MYO16: variants seen among roughly 807,000 people sequenced by gnomAD.
MYO16 encodes the protein myosin XVI, also known as unconventional myosin-XVI.
Under a neutral mutation model 205.3 loss-of-function variants are expected in MYO16, and 94 were observed. The observed-to-expected ratio is 0.46, with a 90% CI of 0.39 to 0.54. The LOEUF (loss-of-function observed/expected upper bound fraction) is 0.54. Among genes scored for constraint, MYO16 ranks in the 20% least tolerant of loss-of-function variants. The probability of loss-of-function intolerance (pLI) is 0.00; values close to 1 mark genes in which losing one functional copy is unlikely to be tolerated. For synonymous variants in MYO16, 988 were observed against 954.0 expected, an observed-to-expected ratio of 1.04 and a Z score of -0.66; for missense variants, 2,315 against 2,387.5, an observed-to-expected ratio of 0.97 and a Z score of 0.63.
At chr13:109,025,555 T>A (rs1172972086) in intron 23 of MYO16, among the ~76,000 whole-genome samples, 2 of 152,176 alleles carry the variant, frequency 1.3e-5, no homozygotes, top group East Asian at 3.8e-4. Context: ...GGCTAGATAT[T>A]TGTTTTAGCA....
At chr13:108,685,178 A>G (rs535122222) in intron 2 of MYO16, among the ~76,000 whole-genome samples, 14 of 152,160 alleles carry the variant, frequency 9.2e-5, no homozygotes, top group Non-Finnish European at 1.5e-4. Context: ...GCATGCCACC[A>G]TGCCCAGCTA....
intron 34 of MYO16, among the ~76,000 whole-genome samples, chr13:109,188,383 T>C (rs1368995617): frequency 1.3e-5 from 2 of 152,316 alleles, no homozygotes; most frequent in East Asian, 3.9e-4. Flanking sequence ...AATGTATTCA[T>C]CTTTCTATAT....
chr13:109,105,102 G>T (rs1023272178), intron 28 of MYO16, among the ~76,000 whole-genome samples: 2 of 152,206 alleles, frequency 1.3e-5, no homozygotes, highest in Non-Finnish European at 2.9e-5. Context: ...TGGATGCTGG[G>T]CCAAGAAATG....
chr13:108,943,497 G>A (rs1003820215), intron 16 of MYO16, among the ~76,000 whole-genome samples: 6 of 151,232 alleles, frequency 4.0e-5, no homozygotes, highest in African/African-American at 9.8e-5. Context: ...TCACTTTGTC[G>A]CCCAGGCTGG....
chr13:108,988,082 A>G (rs931075688), intron 20 of MYO16, among the ~76,000 whole-genome samples: 14 of 152,210 alleles, frequency 9.2e-5, no homozygotes, highest in African/African-American at 3.4e-4. Context: ...GAAACAGATC[A>G]TCTAATTCAT....
chr13:108,676,369 A>ACG (rs1350077050), intron 2 of MYO16, among the ~76,000 whole-genome samples: 50 of 34,942 alleles, frequency 1.4e-3, no homozygotes, highest in Admixed American at 4.4e-3. Context: ...GATTATATGT[A>ACG]CGCGTGTGTG....
At chr13:109,041,494 A>T (rs569165465) in intron 23 of MYO16, among the ~76,000 whole-genome samples, 1 of 152,234 alleles carries the variant, frequency 6.6e-6, no homozygotes, top group Non-Finnish European at 1.5e-5. Flanking sequence ...CATGTTACAC[A>T]TAGGTTAATG....
intron 27 of MYO16, among the ~76,000 whole-genome samples, chr13:109,082,490 AG>A: frequency 6.6e-6 from 1 of 152,360 alleles, no homozygotes; most frequent in Non-Finnish European, 1.5e-5. Flanking sequence ...CTGAAGGTCT[AG>A]CTTAGGTTAC....
chr13:108,906,236 C>A (rs748952429), intron 15 of MYO16, among the ~76,000 whole-genome samples: 1 of 152,142 alleles, frequency 6.6e-6, no homozygotes, highest in South Asian at 2.1e-4. Flanking sequence ...TGTCCAGAGT[C>A]CCCCTGAGGA....
intron 21 of MYO16, among the ~76,000 whole-genome samples, chr13:109,008,040 C>T (rs181835698): frequency 1.0e-3 from 152 of 152,146 alleles, no homozygotes; most frequent in South Asian, 4.1e-3. Flanking sequence ...TGAGACTCAA[C>T]GTTTGTAATA....
intron 1 of MYO16, among the ~76,000 whole-genome samples, chr13:108,623,225 T>C (rs192065505): frequency 6.6e-6 from 1 of 152,254 alleles, no homozygotes; most frequent in East Asian, 1.9e-4. Context: ...TGGAGAACAA[T>C]ATCGTAACAA....
chr13:108,609,851 A>T (rs1328275864), intron 1 of MYO16, among the ~76,000 whole-genome samples: 2 of 152,124 alleles, frequency 1.3e-5, no homozygotes, highest in African/African-American at 4.8e-5. Context: ...TAAAAGCCTC[A>T]TGGAATGGCC....
intron 21 of MYO16, among the ~76,000 whole-genome samples, chr13:109,001,324 T>C (rs1274594701): frequency 6.6e-6 from 1 of 152,050 alleles, no homozygotes; most frequent in Admixed American, 6.6e-5. Context: ...ACTTCCTGGG[T>C]GCTGACTGCG....
chr13:109,064,980 T>C (rs1030643763), intron 27 of MYO16, among the ~76,000 whole-genome samples: 4 of 152,186 alleles, frequency 2.6e-5, no homozygotes, highest in African/African-American at 9.6e-5. Flanking sequence ...CTGGGATTAG[T>C]GGGCAATGCT....
intron 16 of MYO16, among the ~76,000 whole-genome samples, chr13:108,931,515 C>T (rs756065406): frequency 6.6e-6 from 1 of 152,186 alleles, no homozygotes; most frequent in Non-Finnish European, 1.5e-5. Context: ...GTAGTCCCCG[C>T]ACCCCACTTC....
At chr13:108,529,567 A>G in the MYO16 span, among the ~76,000 whole-genome samples, 1 of 152,206 alleles carries the variant, frequency 6.6e-6, no homozygotes, top group African/African-American at 2.4e-5. Flanking sequence ...ACATAAAATG[A>G]AAAACATAAT....
rs1032106036 is a variant in MYO16, at chr13:109,140,063, G to C, written c.4052-201G>C. Among the ~76,000 whole-genome samples, 1 of 151,982 alleles carries C rather than the reference G, an allele frequency of 6.6e-6. No individual in the cohort carries two copies. The highest frequency in any genetic ancestry group is 2.4e-5 in the African/African-American group (1 of 41,378). ...GGTGGGAGTCTTCTTCCATCTCCAAGATCAAAACTCTCTTTTCTTGGGGGT... is the reference window on the plus strand; with the variant it reads ...GGTGGGAGTCTTCTTCCATCTCCAACATCAAAACTCTCTTTTCTTGGGGGT... On this transcript the variant is annotated intron_variant, in intron 31 of 34. Transcript: ENST00000457511. This position sits in a 1 kb window ranked among gnomAD's most constrained non-coding sequence, Gnocchi z 8.0.
chr13:109,132,971 T>C (rs1876607926), intron 31 of MYO16, among the ~76,000 whole-genome samples: 1 of 152,126 alleles, frequency 6.6e-6, no homozygotes, highest in African/African-American at 2.4e-5. Flanking sequence ...CCGTGGAAAC[T>C]GCGAAAGGCT....
intron 31 of MYO16, among the ~76,000 whole-genome samples, chr13:109,130,257 C>T (rs1037100996): frequency 7.9e-5 from 12 of 152,106 alleles, no homozygotes; most frequent in Non-Finnish European, 5.9e-5. Flanking sequence ...CTATAAGGTA[C>T]TTAGAGATGC....
Sources: allele counts gnomAD v4.1 joint callset (sites outside exome capture counted in the v4.1 genomes callset), GRCh38; gene constraint gnomAD v4.1.1; non-coding constraint Gnocchi (gnomAD v3.1); transcripts MANE v1.5; gene names NCBI Gene and HGNC (gene_info 2026-07-23, HGNC 2026-07-21).